UNC79: variants seen among roughly 807,000 people sequenced by gnomAD.
UNC79 encodes unc-79 subunit of NALCN channel complex, also known as protein unc-79 homolog.
UNC79 carries 37 observed loss-of-function variants against 283.1 expected under a neutral mutation model. The observed-to-expected ratio is 0.13, with a 90% CI of 0.10 to 0.17. The LOEUF (loss-of-function observed/expected upper bound fraction) is 0.17, where lower values mean the gene tolerates loss of function less well. UNC79 is among the 10% of genes least tolerant of loss of function. UNC79 has a pLI of 1.00. For missense variants in UNC79, 2,272 were observed against 3,211.1 expected, an observed-to-expected ratio of 0.71 and a Z score of 7.07; for synonymous variants, 1,107 against 1,200.2, an observed-to-expected ratio of 0.92 and a Z score of 1.61.
At chr14:93,679,246 G>A (rs567593097) in intron 41 of UNC79, among the ~76,000 whole-genome samples, 1 of 152,216 alleles carries the variant, frequency 6.6e-6, no homozygotes, top group Admixed American at 6.5e-5. Flanking sequence ...GGATCACGAA[G>A]TCAAGAGATC....
At chr14:93,357,184 A>G (rs1484086005) in intron 1 of UNC79, among the ~76,000 whole-genome samples, 1 of 152,128 alleles carries the variant, frequency 6.6e-6, no homozygotes, top group Non-Finnish European at 1.5e-5. Context: ...AGCTCTATCC[A>G]TGTTAGTGCA....
upstream of UNC79, among the ~76,000 whole-genome samples, chr14:93,426,165 C>T (rs1048101367): frequency 1.3e-5 from 2 of 151,724 alleles, no homozygotes; most frequent in Non-Finnish European, 2.9e-5. Context: ...TTCTGATATC[C>T]ATTGTTTCTG....
At chr14:93,377,753 C>T (rs1375347633) in intron 1 of UNC79, among the ~76,000 whole-genome samples, 1 of 152,158 alleles carries the variant, frequency 6.6e-6, no homozygotes, top group Non-Finnish European at 1.5e-5. Context: ...AATCCTACCA[C>T]CCATCTTGTC....
intron 14 of UNC79, among the ~76,000 whole-genome samples, chr14:93,568,724 C>G (rs2063046753): frequency 6.6e-6 from 1 of 151,922 alleles, no homozygotes; most frequent in Non-Finnish European, 1.5e-5. Flanking sequence ...AACAAAAAAA[C>G]TTACTAGTTT....
At chr14:93,505,530 A>AT (rs905566335) in intron 7 of UNC79, among the ~76,000 whole-genome samples, 6 of 151,782 alleles carry the variant, frequency 4.0e-5, no homozygotes, top group African/African-American at 1.5e-4. Flanking sequence ...TTAATTTTCA[A>AT]TTTTTTTGTA....
At chr14:93,505,753 C>T (rs1412265242) in intron 7 of UNC79, among the ~76,000 whole-genome samples, 2 of 149,786 alleles carry the variant, frequency 1.3e-5, no homozygotes, top group African/African-American at 4.9e-5. Flanking sequence ...CTCTTTTGCA[C>T]TAAGTATATT....
chr14:93,420,336 G>T (rs2055569323), intron 1 of UNC79, among the ~76,000 whole-genome samples: 1 of 151,562 alleles, frequency 6.6e-6, no homozygotes, highest in Non-Finnish European at 1.5e-5. Context: ...CAACAAAATA[G>T]ATTTCAAGAC....
At chr14:93,538,396 G>A (rs530250700) in intron 12 of UNC79, among the ~76,000 whole-genome samples, 178 bp downstream of exon 12, 38 of 152,282 alleles carry the variant, frequency 2.5e-4, no homozygotes, top group African/African-American at 9.6e-5. Context: ...ATATTTTTAC[G>A]GATGCCAGTT....
At chr14:93,667,345 A>T (rs1043850415) in intron 40 of UNC79, among the ~76,000 whole-genome samples, 1 of 152,226 alleles carries the variant, frequency 6.6e-6, no homozygotes, top group Non-Finnish European at 1.5e-5. Flanking sequence ...CGTTGGCAAG[A>T]CTGATCAAGA....
intron 1 of UNC79, among the ~76,000 whole-genome samples, chr14:93,404,310 C>A (rs2055170223): frequency 8.2e-6 from 1 of 121,334 alleles, no homozygotes; most frequent in African/African-American, 3.1e-5. Flanking sequence ...CATAGTGAGA[C>A]CCTGTTTCTA....
intron 38 of UNC79, among the ~76,000 whole-genome samples, chr14:93,656,974 A>C (rs577977574): frequency 1.3e-5 from 2 of 152,256 alleles, no homozygotes; most frequent in Admixed American, 1.3e-4. Flanking sequence ...TCAACAACCT[A>C]TGCTAATACA....
chr14:93,603,476 C>T (rs1465951947), intron 26 of UNC79, 58 bp downstream of exon 26: 1 of 1,565,154 alleles, frequency 6.4e-7, no homozygotes, highest in African/African-American at 1.4e-5. Context: ...CTGAGGCTGA[C>T]TTGTCTTGTT....
At chr14:93,590,989 C>G (rs1238097764) in intron 22 of UNC79, among the ~76,000 whole-genome samples, 1 of 152,210 alleles carries the variant, frequency 6.6e-6, no homozygotes, top group Non-Finnish European at 1.5e-5. Context: ...AAGTGCCATG[C>G]TCTCTGCACA....
intron 30 of UNC79, among the ~76,000 whole-genome samples, chr14:93,623,597 TA>T (rs202048493): frequency 6.6e-6 from 1 of 152,184 alleles, no homozygotes; most frequent in Non-Finnish European, 1.5e-5. Context: ...TCAGATCTTT[TA>T]AAAAAAGTTA....
intron 39 of UNC79, among the ~76,000 whole-genome samples, chr14:93,660,682 C>T (rs376532240): frequency 2.0e-5 from 3 of 151,134 alleles, no homozygotes; most frequent in African/African-American, 4.9e-5. Flanking sequence ...CTCCGGCTCC[C>T]GGGTTCAAAC....
At chr14:93,333,246 C>T (rs1023921636) in exon 1 of UNC79, 5 of 402,090 alleles carry the variant, frequency 1.2e-5, no homozygotes, top group African/African-American at 4.1e-5. Context: ...GGGAGCCGGG[C>T]GTCGGGTCGC....
At chr14:93,341,173 G>A (rs182257940) in intron 1 of UNC79, among the ~76,000 whole-genome samples, 22 of 152,214 alleles carry the variant, frequency 1.4e-4, no homozygotes, top group South Asian at 8.3e-4. Context: ...AAAGGTGGCC[G>A]GGTGCAGTGG....
chr14:93,405,845 C>A (rs1269442814), intron 1 of UNC79, among the ~76,000 whole-genome samples: 2 of 152,138 alleles, frequency 1.3e-5, no homozygotes, highest in African/African-American at 4.8e-5. Context: ...ACTCAAGAAA[C>A]TAGAAATAGA....
At chr14:93,567,593 T>C (rs1239543922) in intron 14 of UNC79, among the ~76,000 whole-genome samples, 1 of 152,236 alleles carries the variant, frequency 6.6e-6, no homozygotes, top group African/African-American at 2.4e-5. Context: ...CACGTGGCTA[T>C]GCTGGAGTCT....
Sources: gnomAD v4.1 joint callset for allele counts (sites outside exome capture counted in the v4.1 genomes callset) on GRCh38, gnomAD v4.1.1 for gene constraint, MANE v1.5 for transcripts, NCBI Gene and HGNC (gene_info 2026-07-23, HGNC 2026-07-21) for gene names.